The following FCGR2A variants were observed in gnomAD, a reference collection of about 807,000 sequenced individuals.
FCGR2A encodes Fc gamma receptor IIa.
In FCGR2A, 18 loss-of-function variants were observed where a neutral mutation model predicts 29.3. The ratio of observed to expected loss-of-function variants is 0.62; its 90% CI spans 0.43 to 0.91. FCGR2A has a LOEUF of 0.91. Ranked by LOEUF, FCGR2A falls within the 40% of genes least tolerant of loss-of-function variation. FCGR2A has a pLI of 0.00. For synonymous variants in FCGR2A, 126 were observed against 144.8 expected (o/e 0.87, Z 0.93); for missense variants, 287 against 393.0 (o/e 0.73, Z 2.28).
intron 2 of FCGR2A, 107 bp from the exon 3 acceptor site, chr1:161,506,227 A>G: frequency 1.4e-6 from 2 of 1,454,886 alleles, no homozygotes; most frequent in Non-Finnish European, 1.9e-6. Context: ...CTTGAACTAC[A>G]TCTACAATAG....
rs768392888 is a variant in FCGR2A, at chr1:161,506,659, A to G, written c.364+68A>G. 2.5e-6 allele frequency: 4 copies of G among 1,599,762 alleles called. No homozygotes were observed. In the East Asian group the frequency reaches 9.0e-5, roughly 36 times the overall value. On this transcript the variant is annotated intron_variant, in intron 3 of 6. Transcript: ENST00000271450. The stretch of plus-strand genomic sequence containing the variant: ...ACGGATGAAATCTGTTTACAGACAG[A>G]GGTTTGCAGGAAAGAGTGGGCGTGG...
intron 3 of FCGR2A, among the ~76,000 whole-genome samples, chr1:161,507,810 G>C (rs751986491): frequency 4.6e-5 from 7 of 152,110 alleles, no homozygotes; most frequent in African/African-American, 1.7e-4. Flanking sequence ...TTGAGGGCTG[G>C]GTGTGGTGGC....
Position 161,519,515 on chromosome 1 carries a change from T to A in FCGR2A, c.*1367T>A, listed in dbSNP as rs945120691. ...TGATGCAATTATTGATGACCTATTT[T>A]ATTTTTCTATAATGATCATATATTA... is the stretch of plus-strand genomic sequence containing the variant. On this transcript the variant is annotated 3_prime_UTR_variant, in exon 7 of 7. Coordinates refer to ENST00000271450, the MANE Select transcript of FCGR2A (RefSeq NM_001136219.3). 3 of 152,228 alleles carry A rather than the reference T, an allele frequency of 2.0e-5. No individual in the cohort carries two copies. The highest frequency in any genetic ancestry group is 7.2e-5 in the African/African-American group (3 of 41,398). The allele number at this position is 152,228 out of a possible 1,614,324, so 9.4% of individuals were successfully genotyped here.
At chr1:161,505,657 A>G (rs971893092) in intron 1 of FCGR2A, 105 bp downstream of exon 1, 3 of 936,742 alleles carry the variant, frequency 3.2e-6, no homozygotes, top group South Asian at 1.3e-5. Flanking sequence ...GAAGCAGGGG[A>G]TAGATTGAAA....
chr1:161,506,760 T>G, intron 3 of FCGR2A, 169 bp downstream of exon 3: 3 of 1,286,798 alleles, frequency 2.3e-6, no homozygotes, highest in Non-Finnish European at 3.2e-6. Context: ...TTAGCATGCG[T>G]GGTGGGGGAA....
intron 5 of FCGR2A, chr1:161,513,457 C>T: frequency 5.3e-6 from 1 of 187,772 alleles, no homozygotes; most frequent in Non-Finnish European, 1.1e-5. Context: ...CTATATTCTT[C>T]AAAGTTCCAA....
chr1:161,515,051 G>A (rs1487639682), intron 6 of FCGR2A, among the ~76,000 whole-genome samples: 8 of 152,400 alleles, frequency 5.2e-5, no homozygotes, highest in African/African-American at 1.9e-4. Context: ...ATGACTTAAA[G>A]TTGCAATGGT....
At chr1:161,506,088 G>T in intron 2 of FCGR2A, 81 bp downstream of exon 2, 4 of 1,443,564 alleles carry the variant, frequency 2.8e-6, no homozygotes, top group East Asian at 2.3e-5. Context: ...GCGGCGGGGG[G>T]GTATGTCTAT....
In FCGR2A at chr1:161,509,749, G is replaced by A. The variant is rs56036159; in HGVS notation, c.365-71G>A. ...CATCATGTCAAGTTCTGTGAGTAAC[G>A]TACCTCTGAGACTGAAAAACCCTTG... On this transcript the variant is annotated intron_variant, in intron 3 of 6. Transcript: ENST00000271450. The A allele has an allele frequency of 2.2e-4, 341 of 1,583,256 alleles. No homozygotes were observed. The East Asian group carries it at 5.2e-3, about 24-fold the overall frequency.
At chr1:161,523,378 TA>T (rs1350073355), downstream of FCGR2A, 8 of 152,268 alleles carry the variant, frequency 5.3e-5, no homozygotes, top group South Asian at 8.3e-4. Context: ...CACAACCTGA[TA>T]AAAACCAGTG....
In FCGR2A at chr1:161,506,561, A is replaced by G. The variant is rs2102457614; in HGVS notation, c.334A>G (p.Ser112Gly). 6.2e-7 allele frequency: 1 copy of G among 1,614,166 alleles called. No homozygotes were observed. The highest frequency in any genetic ancestry group is 8.5e-7 in the Non-Finnish European group (1 of 1,180,004). Residue 112 changes from serine (S) to glycine (G), a missense_variant, in exon 3 of 7, where the codon AGC becomes GGC. Around this residue, in one of 3 missense-constraint regions of FCGR2A, gnomAD observed 181 missense variants for 250.9 expected, o/e 0.72. Coordinates refer to ENST00000271450, the MANE Select transcript of FCGR2A (RefSeq NM_001136219.3). Reference protein sequence around the residue: ...YTCQTGQTSLSDPVHLTVLSE... With the variant: ...YTCQTGQTSLGDPVHLTVLSE... ...GTGCCAGACTGGCCAGACCAGCCTC[A>G]GCGACCCTGTGCATCTGACTGTGCT... is the stretch of plus-strand genomic sequence containing the variant.
chr1:161,507,477 G>A (rs1335338176), intron 3 of FCGR2A, among the ~76,000 whole-genome samples: 1 of 152,144 alleles, frequency 6.6e-6, no homozygotes, highest in Non-Finnish European at 1.5e-5. Flanking sequence ...CATTTCTATT[G>A]TTGTTTACTT....
At chr1:161,515,667 C>G (rs994686107) in intron 6 of FCGR2A, among the ~76,000 whole-genome samples, 2 of 151,984 alleles carry the variant, frequency 1.3e-5, no homozygotes, top group African/African-American at 4.8e-5. Context: ...AACAAACTGG[C>G]AAATGAAAAA....
intron 3 of FCGR2A, 178 bp downstream of exon 3, chr1:161,506,769 A>G: frequency 1.6e-6 from 2 of 1,229,058 alleles, no homozygotes; most frequent in Admixed American, 5.7e-5. Context: ...GTGGTGGGGG[A>G]AGGGGGAATT....
At chr1:161,509,341 A>AT (rs10712086) in intron 3 of FCGR2A, among the ~76,000 whole-genome samples, 23 of 148,568 alleles carry the variant, frequency 1.5e-4, no homozygotes, top group East Asian at 5.9e-4. Flanking sequence ...TTAAGGCTCT[A>AT]TTTTTTTTTT....
chr1:161,517,828 A>G, intron 6 of FCGR2A, 147 bp from the exon 7 acceptor site: 1 of 620,596 alleles, frequency 1.6e-6, no homozygotes. Context: ...TGTATTCATT[A>G]ATTTATTTGA....
At chr1:161,523,912 C>G (rs1259932546), downstream of FCGR2A, 2 of 152,152 alleles carry the variant, frequency 1.3e-5, no homozygotes, top group East Asian at 1.9e-4. Context: ...ACTGAACCAC[C>G]AATGCTACTG....
chr1:161,506,729 C>A, intron 3 of FCGR2A, 138 bp downstream of exon 3: 1 of 1,437,312 alleles, frequency 7.0e-7, no homozygotes, highest in Non-Finnish European at 9.4e-7. Flanking sequence ...ATTCATTCCC[C>A]ATTTCACCCA....
At chr1:161,515,480 A>G (rs1209466792) in intron 6 of FCGR2A, among the ~76,000 whole-genome samples, 1 of 152,128 alleles carries the variant, frequency 6.6e-6, no homozygotes, top group African/African-American at 2.4e-5. Flanking sequence ...TCACTCATTT[A>G]AAATTTAATC....
Sources: allele counts gnomAD v4.1 joint callset (sites outside exome capture counted in the v4.1 genomes callset), GRCh38; gene constraint gnomAD v4.1.1; regional missense constraint gnomAD v4.1.1; transcripts MANE v1.5; gene names NCBI Gene and HGNC (gene_info 2026-07-23, HGNC 2026-07-21).